Variants in CASQ2 observed in about 807,000 individuals in gnomAD.
CASQ2 encodes calsequestrin-2.
A neutral mutation model predicts 46.5 loss-of-function variants in CASQ2; 49 were observed. The ratio of observed to expected loss-of-function variants is 1.05; its 90% confidence interval spans 0.84 to 1.34. The LOEUF (loss-of-function observed/expected upper bound fraction) is 1.34, where lower values mean the gene tolerates loss of function less well. Among genes scored for constraint, CASQ2 ranks in the 40% most tolerant of loss-of-function variants. CASQ2 has a pLI of 0.00. For synonymous variants in CASQ2, 174 were observed against 168.5 expected (o/e 1.03, Z -0.25); for missense variants, 486 against 481.3 (o/e 1.01, Z -0.09).
intron 5 of CASQ2, chr1:115,732,315 A>G (rs1212041830): frequency 6.5e-6 from 1 of 153,220 alleles, no homozygotes; most frequent in Non-Finnish European, 1.5e-5. Context: ...CTTCAAGTTT[A>G]GATTATGTTA....
chr1:115,714,546 T>C (rs1654640433), intron 8 of CASQ2, among the ~76,000 whole-genome samples: 1 of 152,044 alleles, frequency 6.6e-6, no homozygotes, highest in Non-Finnish European at 1.5e-5. Flanking sequence ...CTTGGGGTGG[T>C]GGGGTTAGGT....
chr1:115,726,736 A>G (rs1647605284), intron 6 of CASQ2, among the ~76,000 whole-genome samples: 2 of 152,214 alleles, frequency 1.3e-5, no homozygotes, highest in African/African-American at 2.4e-5. Flanking sequence ...AATTTTATTT[A>G]TATCTTGCCC....
At chr1:115,714,313 T>G (rs1444936119) in intron 8 of CASQ2, among the ~76,000 whole-genome samples, 1 of 152,192 alleles carries the variant, frequency 6.6e-6, no homozygotes, top group Non-Finnish European at 1.5e-5. Context: ...CCTGCTTGAA[T>G]TTGAATCTTG....
chr1:115,702,529 C>T (rs17034260), intron 10 of CASQ2, among the ~76,000 whole-genome samples: 55,202 of 152,132 alleles, frequency 0.36, 10,073 homozygotes, highest in Admixed American at 0.41. Context: ...AGTTGCCTGC[C>T]TGGGATTCTA....
At chr1:115,747,311 G>A (rs886130949) in intron 1 of CASQ2, among the ~76,000 whole-genome samples, 5 of 152,146 alleles carry the variant, frequency 3.3e-5, no homozygotes, top group South Asian at 2.1e-4. Context: ...GTGGTTTCTC[G>A]ATTCTGTTCC....
chr1:115,735,900 G>C (rs752629700), intron 4 of CASQ2, among the ~76,000 whole-genome samples: 2 of 152,182 alleles, frequency 1.3e-5, no homozygotes, highest in African/African-American at 4.8e-5. Flanking sequence ...AGTGGCTCAC[G>C]CCTGTAATCC....
At chr1:115,729,761 G>T (rs56801973) in intron 5 of CASQ2, among the ~76,000 whole-genome samples, 2 of 152,136 alleles carry the variant, frequency 1.3e-5, no homozygotes, top group Admixed American at 6.5e-5. Flanking sequence ...AAAAGTAATC[G>T]CAGTTTTTGC....
chr1:115,720,758 G>A (rs865985460), intron 7 of CASQ2, among the ~76,000 whole-genome samples: 3 of 152,274 alleles, frequency 2.0e-5, no homozygotes, highest in Middle Eastern at 3.4e-3. Context: ...CTGGGCTGGC[G>A]TTATATGTCT....
intron 3 of CASQ2, among the ~76,000 whole-genome samples, chr1:115,739,130 GAGA>G (rs1648077913): frequency 8.7e-6 from 1 of 115,318 alleles, no homozygotes; most frequent in Non-Finnish European, 1.8e-5. Flanking sequence ...CTTTCTTTTT[GAGA>G]TGGAGTCATG....
chr1:115,717,911 A>G lies in CASQ2; in HGVS notation c.784-17T>C, dbSNP rs2997741. The G allele has an allele frequency of 1.9e-6, 3 of 1,576,210 alleles. No individual in the cohort carries two copies. Among genetic ancestry groups the G allele is most frequent in the Non-Finnish European group, 2.6e-6 (3 of 1,145,716 alleles). On this transcript the variant is annotated splice_polypyrimidine_tract_variant and intron_variant, in intron 7 of 10. Coordinates refer to ENST00000261448, the MANE Select transcript of CASQ2 (RefSeq NM_001232.4). ...ATCATCTTCCTGTATGAGAAAAGTA[A>G]CAAAAGTTACACTTCCAGCTGGAGG...
At chr1:115,714,400 AATC>A (rs1324176158) in intron 8 of CASQ2, among the ~76,000 whole-genome samples, 2 of 152,186 alleles carry the variant, frequency 1.3e-5, no homozygotes, top group African/African-American at 2.4e-5. Flanking sequence ...CTAGAATAAT[AATC>A]ATCATGCACG....
At chr1:115,750,101 G>C (rs1166427231) in intron 1 of CASQ2, among the ~76,000 whole-genome samples, 1 of 152,204 alleles carries the variant, frequency 6.6e-6, no homozygotes, top group Non-Finnish European at 1.5e-5. Context: ...TGGATGAATG[G>C]GTGGATTGGT....
At chr1:115,701,794 A>G (rs998677170) in intron 10 of CASQ2, among the ~76,000 whole-genome samples, 13 of 152,210 alleles carry the variant, frequency 8.5e-5, no homozygotes, top group African/African-American at 3.1e-4. Context: ...TTTTCACTTG[A>G]GCATGTTTTA....
chr1:115,740,457 A>T (rs575989008), intron 3 of CASQ2, among the ~76,000 whole-genome samples: 59 of 152,326 alleles, frequency 3.9e-4, no homozygotes, highest in African/African-American at 1.4e-3. Flanking sequence ...AAAACCAAGG[A>T]GATTTCAATA....
chr1:115,763,201 G>T (rs1649021578), intron 1 of CASQ2, among the ~76,000 whole-genome samples: 1 of 152,156 alleles, frequency 6.6e-6, no homozygotes. Flanking sequence ...GAGTAAGGTA[G>T]AAAGGATTAG....
At chr1:115,723,042 C>T (rs930861974) in intron 7 of CASQ2, among the ~76,000 whole-genome samples, 7 of 151,304 alleles carry the variant, frequency 4.6e-5, no homozygotes, top group Admixed American at 1.3e-4. Context: ...AGGGAGAATC[C>T]GTCTCAAAAA....
Position 115,727,141 on chromosome 1 carries a change from AG to A in CASQ2, c.607-20del. ...TTGCAACCTGTAACCATTAGAAATA[AG>A]ACAAAGTTTATTTGAATACTAGTCT... is the stretch of plus-strand genomic sequence containing the variant. On this transcript the variant is annotated intron_variant, in intron 5 of 10. Transcript: ENST00000261448. The A allele has an allele frequency of 1.3e-6, 2 of 1,594,098 alleles. No homozygotes were observed. The highest frequency in any genetic ancestry group is 1.7e-6 in the Non-Finnish European group (2 of 1,162,450).
intron 8 of CASQ2, among the ~76,000 whole-genome samples, chr1:115,711,936 G>T (rs1332500349): frequency 1.3e-5 from 2 of 152,160 alleles, no homozygotes; most frequent in East Asian, 3.9e-4. Context: ...ACAGGCGTAA[G>T]GGTTTTGTTT....
intron 5 of CASQ2, among the ~76,000 whole-genome samples, chr1:115,731,868 T>C (rs1441904984): frequency 6.6e-6 from 1 of 152,224 alleles, no homozygotes; most frequent in African/African-American, 2.4e-5. Flanking sequence ...AAGAGACTTC[T>C]TAGCACAGAC....
Sources: allele counts gnomAD v4.1 joint callset (sites outside exome capture counted in the v4.1 genomes callset), GRCh38; gene constraint gnomAD v4.1.1; transcripts MANE v1.5; gene names NCBI Gene and HGNC (gene_info 2026-07-23, HGNC 2026-07-21).